Variants in ST3GAL6 observed in about 807,000 individuals in gnomAD.
ST3GAL6 encodes the protein ST3 beta-galactoside alpha-2,3-sialyltransferase 6, also known as type 2 lactosamine alpha-2,3-sialyltransferase.
In ST3GAL6, 31 loss-of-function variants were observed where a neutral mutation model predicts 40.5. That is an observed-to-expected ratio of 0.77 (90% CI 0.58 to 1.03). The LOEUF is 1.03. ST3GAL6 is among the 50% of genes least tolerant of loss of function. The probability of loss-of-function intolerance (pLI) is 0.00; values close to 1 mark genes in which losing one functional copy is unlikely to be tolerated. For missense variants in ST3GAL6, 357 were observed against 393.2 expected (o/e 0.91, Z 0.78); for synonymous variants, 129 against 136.9 (o/e 0.94, Z 0.40).
intron 1 of ST3GAL6, among the ~76,000 whole-genome samples, chr3:98,738,726 A>G (rs956936453): frequency 2.6e-5 from 4 of 152,254 alleles, no homozygotes; most frequent in Non-Finnish European, 5.9e-5. Flanking sequence ...GGTAAGACCT[A>G]TGAAGAGACT....
At chr3:98,780,076 G>GCAGAGGAAGCC (rs1939945995) in intron 5 of ST3GAL6, among the ~76,000 whole-genome samples, 1 of 152,192 alleles carries the variant, frequency 6.6e-6, no homozygotes, top group Non-Finnish European at 1.5e-5. Context: ...ACATAAAAAG[G>GCAGAGGAAGCC]CAGAGGAAGC....
chr3:98,776,958 A>G (rs748813971), intron 5 of ST3GAL6, among the ~76,000 whole-genome samples: 7 of 152,188 alleles, frequency 4.6e-5, no homozygotes, highest in Non-Finnish European at 8.8e-5. Flanking sequence ...GAAGTTCTCC[A>G]TTTGTCCAGT....
chr3:98,763,160 C>T, upstream of ST3GAL6: 1 of 1,195,694 alleles, frequency 8.4e-7, no homozygotes, highest in South Asian at 1.5e-5. Context: ...ACCTATGAGG[C>T]TGGACCAAAA....
rs771108972 is a variant in ST3GAL6, at chr3:98,772,876, T to A, written c.231T>A (p.Gly77=). The change falls in exon 4 of 10, where the codon GGT becomes GGA. Residue 77 remains glycine (G), a synonymous_variant. Transcript: ENST00000483910. ...TTAGAAAGATTGCTTCCTTGTATGG[T>A]AGCGATAAGTTTGATTTGCCCTATG... ...ADFRKIASLY[G]SDKFDLPYGM... is the part of the protein sequence containing the mutation. 4 of 1,612,974 alleles carry A rather than the reference T, an allele frequency of 2.5e-6. No individual in the cohort carries two copies. Among genetic ancestry groups the A allele is most frequent in the Non-Finnish European group, 2.5e-6 (3 of 1,179,252 alleles).
chr3:98,782,700 C>A (rs1481819861), intron 5 of ST3GAL6: 4 of 444,380 alleles, frequency 9.0e-6, no homozygotes, highest in Non-Finnish European at 1.7e-5. Flanking sequence ...TCAAAAACTG[C>A]TGCCAGCAGG....
intron 1 of ST3GAL6, among the ~76,000 whole-genome samples, chr3:98,768,004 G>C (rs1253568902): frequency 6.6e-6 from 1 of 152,126 alleles, no homozygotes; most frequent in East Asian, 1.9e-4. Context: ...AAGCACTGAA[G>C]AAATGAAATA....
At chr3:98,762,752 C>A, upstream of ST3GAL6, 1 of 979,078 alleles carries the variant, frequency 1.0e-6, no homozygotes, top group Non-Finnish European at 1.2e-6. Flanking sequence ...TTCTATAAGC[C>A]ACAATTTCAA....
At chr3:98,754,398 C>G (rs572064859) in intron 1 of ST3GAL6, among the ~76,000 whole-genome samples, 7 of 152,272 alleles carry the variant, frequency 4.6e-5, no homozygotes, top group Non-Finnish European at 8.8e-5. Context: ...TTGTTACAAA[C>G]TCATAATAAA....
At chr3:98,754,081 T>C (rs1414545575) in intron 1 of ST3GAL6, among the ~76,000 whole-genome samples, 1 of 152,206 alleles carries the variant, frequency 6.6e-6, no homozygotes, top group African/African-American at 2.4e-5. Context: ...AAATATAGTT[T>C]GTAAAGCTCT....
upstream of ST3GAL6, chr3:98,762,557 C>G (rs1403569102): frequency 1.1e-5 from 2 of 188,396 alleles, no homozygotes; most frequent in African/African-American, 4.7e-5. Context: ...AACCAGACTA[C>G]TGATTCCTTA....
intron 1 of ST3GAL6, among the ~76,000 whole-genome samples, chr3:98,764,690 G>A (rs923250922): frequency 3.3e-5 from 5 of 152,278 alleles, no homozygotes; most frequent in African/African-American, 9.6e-5. Flanking sequence ...CAACAAAGTC[G>A]TTGCTTCTCC....
chr3:98,762,852 G>T, upstream of ST3GAL6: 16 of 985,314 alleles, frequency 1.6e-5, no homozygotes, highest in Non-Finnish European at 1.9e-5. Flanking sequence ...AAATATCCGT[G>T]ATTTCATCCT....
intron 5 of ST3GAL6, among the ~76,000 whole-genome samples, chr3:98,779,393 C>T (rs2919235): frequency 0.55 from 83,693 of 151,866 alleles, 23,295 homozygotes; most frequent in East Asian, 0.78. Context: ...TAGCAAGGCA[C>T]ATGGGGTAAT....
intron 5 of ST3GAL6, 128 bp downstream of exon 5, chr3:98,774,111 T>C: frequency 1.5e-6 from 1 of 683,506 alleles, no homozygotes; most frequent in Non-Finnish European, 2.5e-6. Flanking sequence ...TAACCAAAAT[T>C]TCTAGTAGTA....
chr3:98,764,084 G>A (rs1010995425), intron 1 of ST3GAL6, among the ~76,000 whole-genome samples: 15 of 152,164 alleles, frequency 9.9e-5, no homozygotes, highest in East Asian at 7.7e-4. Flanking sequence ...CTCAGCATCC[G>A]GAATAGAGAA....
upstream of ST3GAL6, among the ~76,000 whole-genome samples, chr3:98,759,673 G>T (rs964252773): frequency 6.6e-6 from 1 of 151,906 alleles, no homozygotes; most frequent in Non-Finnish European, 1.5e-5. Flanking sequence ...AGTCCTCACT[G>T]TGTCTAAATG....
intron 1 of ST3GAL6, among the ~76,000 whole-genome samples, chr3:98,743,505 C>G (rs1936293709): frequency 6.6e-6 from 1 of 152,146 alleles, no homozygotes; most frequent in Non-Finnish European, 1.5e-5. Flanking sequence ...AGCTGGGCTT[C>G]CAAGACCCCT....
intron 1 of ST3GAL6, among the ~76,000 whole-genome samples, chr3:98,742,975 C>T (rs1380428029): frequency 6.8e-6 from 1 of 147,648 alleles, no homozygotes; most frequent in East Asian, 2.0e-4. Flanking sequence ...GCTGGGATTA[C>T]AGGCATAAGC....
intron 1 of ST3GAL6, among the ~76,000 whole-genome samples, chr3:98,750,427 G>A (rs1936916289): frequency 7.8e-6 from 1 of 128,992 alleles, no homozygotes; most frequent in Non-Finnish European, 1.7e-5. Context: ...GAAGACTTTT[G>A]AAATAATGTA....
Sources: gnomAD v4.1 joint callset for allele counts (sites outside exome capture counted in the v4.1 genomes callset) on GRCh38, gnomAD v4.1.1 for gene constraint, MANE v1.5 for transcripts, NCBI Gene and HGNC (gene_info 2026-07-23, HGNC 2026-07-21) for gene names.